GPLD1: variants seen among roughly 807,000 people sequenced by gnomAD.
GPLD1 encodes glycosylphosphatidylinositol specific phospholipase D1, also known as phosphatidylinositol-glycan-specific phospholipase D.
GPLD1 carries 84 observed loss-of-function variants against 112.6 expected under a neutral mutation model. That is an observed-to-expected ratio of 0.75 (90% CI 0.63 to 0.89). GPLD1 has a LOEUF of 0.89. Among genes scored for constraint, GPLD1 ranks in the 40% least tolerant of loss-of-function variants. The pLI is 0.00. For synonymous variants in GPLD1, 386 were observed against 403.8 expected (o/e 0.96, Z 0.53); for missense variants, 1,044 against 1,051.5 (o/e 0.99, Z 0.10).
rs1404421294 is a variant in GPLD1 at position 24,428,442 on chromosome 6, G to A, written c.*590C>T. 1 of 152,016 alleles carries A rather than the reference G, an allele frequency of 6.6e-6. No homozygotes were observed. The highest frequency in any genetic ancestry group is 1.5e-5 in the Non-Finnish European group (1 of 68,028). The allele number at this position is 152,016 out of a possible 1,614,324, so 9.4% of individuals were successfully genotyped here. A position where few individuals can be genotyped will look rare whatever the true frequency, so the allele number is the denominator to read the frequency against. Reference sequence around the variant, plus strand: ...GTGTTGTTTCCCTCTATGTGTCCACGTGTTCTCATTTAGCTCCCACTTACA... The same window carrying A: ...GTGTTGTTTCCCTCTATGTGTCCACATGTTCTCATTTAGCTCCCACTTACA... On this transcript the variant is annotated 3_prime_UTR_variant, in exon 25 of 25. Coordinates refer to ENST00000230036, the MANE Select transcript of GPLD1 (RefSeq NM_001503.4).
chr6:24,448,919 C>A, intron 15 of GPLD1, among the ~76,000 whole-genome samples: 1 of 152,008 alleles, frequency 6.6e-6, no homozygotes, highest in East Asian at 1.9e-4. Context: ...GTACTAGGTA[C>A]ACAATGACAA....
rs953339048 is a variant in GPLD1, at chr6:24,465,008, C to G, written c.821+1672G>C. ...AGGAGATCGAGACCAGCCTGGCCAA[C>G]CAACATGGCAAAACTCTGTCTCTAC... On this transcript the variant is annotated intron_variant, in intron 10 of 24. Transcript: ENST00000230036. 6.6e-4 allele frequency among the ~76,000 whole-genome samples: 100 copies of G among 151,160 alleles called. 1 individual carries two copies. Among genetic ancestry groups the G allele is most frequent in the African/African-American group, 2.2e-3 (92 of 41,196 alleles).
At chr6:24,432,361 G>T (rs1345616150) in intron 24 of GPLD1, among the ~76,000 whole-genome samples, 1 of 152,050 alleles carries the variant, frequency 6.6e-6, no homozygotes, top group Admixed American at 6.6e-5. Context: ...ACTTTGGAAG[G>T]CAGAGGCAGG....
chr6:24,467,138 C>G (rs6928435), intron 8 of GPLD1, 29 bp downstream of exon 8: 1 of 1,299,160 alleles, frequency 7.7e-7, no homozygotes, highest in East Asian at 2.3e-5. Flanking sequence ...ACAAAATCAG[C>G]TGCAAATTGT....
intron 2 of GPLD1, 62 bp downstream of exon 2, chr6:24,486,013 T>C (rs1454242792): frequency 2.1e-6 from 2 of 972,384 alleles, no homozygotes; most frequent in Non-Finnish European, 3.2e-6. Flanking sequence ...TTAGGATCTT[T>C]GTTTGGCACC....
intron 4 of GPLD1, 29 bp downstream of exon 4, chr6:24,476,152 T>C (rs1163223574): frequency 8.1e-7 from 1 of 1,227,538 alleles, no homozygotes; most frequent in Non-Finnish European, 1.2e-6. Context: ...TGGTGCTAAA[T>C]ATTTTAAGGA....
chr6:24,429,292 C>T (rs1287108084), intron 24 of GPLD1, among the ~76,000 whole-genome samples, 174 bp from the exon 25 acceptor site: 2 of 152,226 alleles, frequency 1.3e-5, no homozygotes, highest in Non-Finnish European at 2.9e-5. Flanking sequence ...CGCTTTCTCA[C>T]ATCTATAAGT....
At chr6:24,495,083 C>G (rs1581800500) in exon 1 of GPLD1, 1 of 1,315,418 alleles carries the variant, frequency 7.6e-7, no homozygotes, top group Non-Finnish European at 9.7e-7. Context: ...CCCGCGCCGG[C>G]GGCCTGGTCC....
rs1214523168 is a variant in GPLD1, at chr6:24,449,888, C to G, written c.1347G>C (p.Arg449=). The change falls in exon 15 of 25, where the codon CGG becomes CGC. Residue 449 remains arginine (R), a synonymous_variant. Coordinates refer to ENST00000230036, the MANE Select transcript of GPLD1 (RefSeq NM_001503.4). The part of the protein sequence containing the change: ...RILEGFQPSG[R]FGSALAVLDF... The stretch of plus-strand genomic sequence containing the variant: ...CCAACACAGCCAAGGCCGAGCCAAA[C>G]CGACCTGAGGGCTGAAGAGGCACAA... 1.2e-6 allele frequency: 2 copies of G among 1,613,308 alleles called. No individual in the cohort carries two copies. The highest frequency in any genetic ancestry group is 1.3e-5 in the African/African-American group (1 of 75,026).
At chr6:24,486,531 G>A (rs961099255) in intron 1 of GPLD1, among the ~76,000 whole-genome samples, 1 of 152,030 alleles carries the variant, frequency 6.6e-6, no homozygotes, top group African/African-American at 2.4e-5. Context: ...AAAAGAAACT[G>A]CCAGACCACA....
intron 20 of GPLD1, among the ~76,000 whole-genome samples, chr6:24,440,911 A>G (rs1762726470): frequency 6.6e-6 from 1 of 152,142 alleles, no homozygotes; most frequent in East Asian, 1.9e-4. Context: ...GCTTTTTACT[A>G]CTATAAACAA....
intron 22 of GPLD1, among the ~76,000 whole-genome samples, chr6:24,435,633 G>C (rs1275097192): frequency 6.7e-6 from 1 of 150,236 alleles, no homozygotes; most frequent in Non-Finnish European, 1.5e-5. Context: ...ATCCCAGCCT[G>C]GCCGACATGG....
At chr6:24,441,410 A>G (rs922697198) in intron 20 of GPLD1, among the ~76,000 whole-genome samples, 3 of 152,160 alleles carry the variant, frequency 2.0e-5, no homozygotes, top group African/African-American at 7.2e-5. Context: ...GTGAACTGGC[A>G]AAGATGCTGT....
In GPLD1 at chr6:24,429,010, G is replaced by A; in HGVS notation, c.*22C>T. 1.3e-6 allele frequency: 2 copies of A among 1,528,628 alleles called. No individual in the cohort carries two copies. Among genetic ancestry groups the A allele is most frequent in the Admixed American group, 1.7e-5 (1 of 59,242 alleles). The allele number at this position is 1,528,628 out of a possible 1,614,324, so 94.7% of individuals were successfully genotyped here. ...ATTCAGCATGAGAGAGGTGGGCAGA[G>A]TGGGGAAATGCAGTGAAATCTTCAA... On this transcript the variant is annotated 3_prime_UTR_variant, in exon 25 of 25. Transcript: ENST00000230036.
At chr6:24,475,970 C>A (rs1352106762) in intron 4 of GPLD1, among the ~76,000 whole-genome samples, 3 of 152,220 alleles carry the variant, frequency 2.0e-5, no homozygotes, top group East Asian at 3.9e-4. Context: ...ACTATTGGAG[C>A]AAAATGATGA....
At chr6:24,441,147 A>AAAT (rs1460249481) in intron 20 of GPLD1, among the ~76,000 whole-genome samples, 6 of 28,392 alleles carry the variant, frequency 2.1e-4, no homozygotes, top group Non-Finnish European at 7.4e-4. Context: ...TACTAAAAAT[A>AAAT]AAAAAAAAAA....
intron 7 of GPLD1, among the ~76,000 whole-genome samples, chr6:24,467,568 T>C (rs1403858564): frequency 2.6e-5 from 4 of 152,164 alleles, no homozygotes; most frequent in Non-Finnish European, 5.9e-5. Flanking sequence ...TATACTCAGA[T>C]TGGAAACTAA....
intron 2 of GPLD1, among the ~76,000 whole-genome samples, chr6:24,484,496 A>G (rs7760930): frequency 0.18 from 26,988 of 152,198 alleles, 2,781 homozygotes; most frequent in African/African-American, 0.28. Flanking sequence ...GATCACAGGC[A>G]TGAGCCATCA....
intron 20 of GPLD1, among the ~76,000 whole-genome samples, chr6:24,442,078 AT>A (rs1210686260): frequency 1.3e-5 from 2 of 149,442 alleles, no homozygotes; most frequent in African/African-American, 4.9e-5. Flanking sequence ...ATAAATTAGC[AT>A]ATTATATACA....
Sources: allele counts gnomAD v4.1 joint callset (sites outside exome capture counted in the v4.1 genomes callset), GRCh38; gene constraint gnomAD v4.1.1; transcripts MANE v1.5; gene names NCBI Gene and HGNC (gene_info 2026-07-23, HGNC 2026-07-21).